The following SUGCT variants were observed in gnomAD, a reference collection of about 807,000 sequenced individuals.
SUGCT encodes succinyl-CoA:glutarate-CoA transferase.
In SUGCT, 41 loss-of-function variants were observed where a neutral mutation model predicts 55.0. The ratio of observed to expected loss-of-function variants is 0.74; its 90% confidence interval spans 0.58 to 0.97. The LOEUF is 0.97. Ranked by LOEUF, SUGCT falls within the 50% of genes least tolerant of loss-of-function variation. The pLI is 0.00. For synonymous variants in SUGCT, 187 were observed against 200.4 expected (o/e 0.93, Z 0.56); for missense variants, 568 against 547.8 (o/e 1.04, Z -0.37).
chr7:40,944,462 G>A, the SUGCT span, among the ~76,000 whole-genome samples: 138 of 151,806 alleles, frequency 9.1e-4, no homozygotes, highest in Admixed American at 1.7e-3. Context: ...TTTGTATAAG[G>A]TGTAAGGAAG....
chr7:40,363,255 A>G (rs1205690775), intron 9 of SUGCT, among the ~76,000 whole-genome samples: 4 of 151,740 alleles, frequency 2.6e-5, no homozygotes, highest in African/African-American at 9.7e-5. Context: ...GATCCTTTCA[A>G]AAAACCAGCT....
At chr7:40,875,071 G>A in the SUGCT span, among the ~76,000 whole-genome samples, 2 of 152,196 alleles carry the variant, frequency 1.3e-5, no homozygotes, top group Non-Finnish European at 2.9e-5. Context: ...TGCACTCTGA[G>A]TTCTAGATGG....
the SUGCT span, among the ~76,000 whole-genome samples, chr7:40,987,426 C>A: frequency 1.3e-5 from 2 of 152,166 alleles, no homozygotes; most frequent in South Asian, 2.1e-4. Flanking sequence ...CTGTGTGACT[C>A]TTGGTAATTT....
At chr7:40,493,886 T>G (rs1001205384) in intron 11 of SUGCT, among the ~76,000 whole-genome samples, 1 of 152,212 alleles carries the variant, frequency 6.6e-6, no homozygotes, top group African/African-American at 2.4e-5. Context: ...GGATATGTCC[T>G]CTGAGAGCAG....
intron 13 of SUGCT, among the ~76,000 whole-genome samples, chr7:40,818,656 G>C (rs1439959793): frequency 6.6e-6 from 1 of 152,162 alleles, no homozygotes; most frequent in Non-Finnish European, 1.5e-5. Context: ...AGAGTAAATG[G>C]GAAGTGAGCC....
In SUGCT at chr7:40,186,077, C is replaced by CTCTCTT. The variant is rs1785485187; in HGVS notation, c.227-2417_227-2416insCTCTTT. ...AATTTGGTTGTTGTTTTCTTTCTTT[C>CTCTCTT]TTTCTCTCTTTTTCTTCCTTCCTTC... On this transcript the variant is annotated intron_variant, in intron 3 of 13. Transcript: ENST00000335693. Among the ~76,000 whole-genome samples, 45 of 141,058 alleles carry CTCTCTT rather than the reference C, an allele frequency of 3.2e-4. No individual in the cohort carries two copies. The South Asian group carries it at 9.1e-3, about 28-fold the overall frequency. 92.5% of individuals were successfully genotyped at this position (141,058 alleles called of 152,430 possible). A position where few individuals can be genotyped will look rare whatever the true frequency, so the allele number is the denominator to read the frequency against.
chr7:40,853,246 T>C (rs1323815368), intron 13 of SUGCT, among the ~76,000 whole-genome samples: 1 of 152,220 alleles, frequency 6.6e-6, no homozygotes, highest in African/African-American at 2.4e-5. Context: ...TAATATGATA[T>C]GTATTACTAT....
At chr7:40,142,843 G>GC (rs1372029332) in intron 1 of SUGCT, among the ~76,000 whole-genome samples, 1 of 152,182 alleles carries the variant, frequency 6.6e-6, no homozygotes, top group African/African-American at 2.4e-5. Context: ...GTGGCTTGTA[G>GC]CCCCTAATTA....
intron 7 of SUGCT, among the ~76,000 whole-genome samples, chr7:40,254,006 CA>C (rs1283340410): frequency 7.9e-5 from 12 of 152,360 alleles, no homozygotes; most frequent in African/African-American, 2.9e-4. Context: ...CAGTGACTGA[CA>C]TTAACACTAC....
intron 9 of SUGCT, among the ~76,000 whole-genome samples, chr7:40,354,312 C>T (rs1797783598): frequency 6.6e-6 from 1 of 151,956 alleles, no homozygotes; most frequent in Non-Finnish European, 1.5e-5. Context: ...GGGCAGAGGG[C>T]AAAGGAGGGA....
At chr7:40,235,036 G>C (rs574184035) in intron 6 of SUGCT, among the ~76,000 whole-genome samples, 2 of 152,030 alleles carry the variant, frequency 1.3e-5, no homozygotes, top group East Asian at 3.8e-4. Flanking sequence ...GAAGTTGACC[G>C]ATGGGTTTAT....
chr7:40,338,427 C>T (rs556396466), intron 9 of SUGCT, among the ~76,000 whole-genome samples: 7 of 152,296 alleles, frequency 4.6e-5, no homozygotes, highest in African/African-American at 1.7e-4. Flanking sequence ...TCCCATATTT[C>T]TTGGAGGCTT....
At chr7:40,745,362 C>T (rs1443651132) in intron 12 of SUGCT, among the ~76,000 whole-genome samples, 5 of 152,008 alleles carry the variant, frequency 3.3e-5, no homozygotes, top group Admixed American at 6.6e-5. Flanking sequence ...TGCTATATTA[C>T]AAATTTTTTT....
chr7:40,405,408 T>C (rs1786304499), intron 9 of SUGCT, among the ~76,000 whole-genome samples: 1 of 152,240 alleles, frequency 6.6e-6, no homozygotes, highest in East Asian at 1.9e-4. Flanking sequence ...AATGTTTCCT[T>C]CTTTAAAATT....
At chr7:40,271,155 C>G (rs1342008699) in intron 7 of SUGCT, among the ~76,000 whole-genome samples, 1 of 152,144 alleles carries the variant, frequency 6.6e-6, no homozygotes, top group Non-Finnish European at 1.5e-5. Flanking sequence ...AGTTTTACTT[C>G]TTTCTTTGCA....
At chr7:40,844,453 A>T (rs1459694028) in intron 13 of SUGCT, among the ~76,000 whole-genome samples, 3 of 151,538 alleles carry the variant, frequency 2.0e-5, no homozygotes, top group South Asian at 4.2e-4. Flanking sequence ...GAATGACCGA[A>T]CTCTTCTCGG....
intron 13 of SUGCT, among the ~76,000 whole-genome samples, chr7:40,813,453 C>G (rs913119045): frequency 1.3e-5 from 2 of 152,040 alleles, no homozygotes; most frequent in African/African-American, 2.4e-5. Flanking sequence ...AACTCTTTAT[C>G]ATTATGTAAT....
chr7:40,733,957 T>A (rs1787027822), intron 12 of SUGCT, among the ~76,000 whole-genome samples: 1 of 152,168 alleles, frequency 6.6e-6, no homozygotes. Context: ...ATTAAGAAAA[T>A]TTGTTAAGGA....
the SUGCT span, among the ~76,000 whole-genome samples, chr7:40,995,210 C>G: frequency 6.6e-6 from 1 of 152,086 alleles, no homozygotes; most frequent in East Asian, 1.9e-4. Flanking sequence ...CAACCGTTTG[C>G]CCAGAGAATG....
Sources: allele counts gnomAD v4.1 joint callset (sites outside exome capture counted in the v4.1 genomes callset), GRCh38; gene constraint gnomAD v4.1.1; transcripts MANE v1.5; gene names NCBI Gene and HGNC (gene_info 2026-07-23, HGNC 2026-07-21).